The following PLEKHH2 variants were observed in gnomAD, a reference collection of about 807,000 sequenced individuals.
PLEKHH2 encodes the protein pleckstrin homology, MyTH4 and FERM domain containing H2.
PLEKHH2 carries 129 observed loss-of-function variants against 187.9 expected under a neutral mutation model. The observed-to-expected ratio is 0.69, with a 90% CI of 0.59 to 0.79. The LOEUF is 0.79. Ranked by LOEUF, PLEKHH2 falls within the 30% of genes least tolerant of loss-of-function variation. PLEKHH2 has a pLI of 0.00. For synonymous variants in PLEKHH2, 686 were observed against 605.6 expected, an observed-to-expected ratio of 1.13 and a Z score of -1.95; for missense variants, 2,076 against 1,751.2, an observed-to-expected ratio of 1.19 and a Z score of -3.31.
At chr2:43,646,044 C>G (rs985065522) in intron 2 of PLEKHH2, among the ~76,000 whole-genome samples, 1 of 152,080 alleles carries the variant, frequency 6.6e-6, no homozygotes, top group Non-Finnish European at 1.5e-5. Flanking sequence ...AACTTTTGGG[C>G]TTTAACATCT....
intron 24 of PLEKHH2, among the ~76,000 whole-genome samples, chr2:43,747,990 C>T (rs1040858527): frequency 3.9e-5 from 6 of 152,182 alleles, no homozygotes; most frequent in Non-Finnish European, 8.8e-5. Context: ...TTGTCATATT[C>T]TTTGTCAATG....
chr2:43,692,753 A>G (rs544095646), intron 4 of PLEKHH2, 90 bp downstream of exon 4: 1 of 1,376,112 alleles, frequency 7.3e-7, no homozygotes, highest in East Asian at 2.3e-5. Flanking sequence ...AAATTTCTAT[A>G]TTTGGGGAGA....
At chr2:43,755,465 C>G (rs1020005334) in intron 25 of PLEKHH2, among the ~76,000 whole-genome samples, 1 of 152,172 alleles carries the variant, frequency 6.6e-6, no homozygotes, top group Non-Finnish European at 1.5e-5. Context: ...AAGTAGTGTG[C>G]CTTTCTCTGG....
intron 3 of PLEKHH2, among the ~76,000 whole-genome samples, chr2:43,685,010 G>A (rs552511729): frequency 6.6e-6 from 1 of 152,294 alleles, no homozygotes; most frequent in East Asian, 1.9e-4. Flanking sequence ...ACAGACAGCA[G>A]ATGAATTCTC....
intron 2 of PLEKHH2, among the ~76,000 whole-genome samples, chr2:43,657,986 G>C (rs2374570): frequency 0.39 from 59,070 of 152,038 alleles, 11,908 homozygotes; most frequent in African/African-American, 0.45. Flanking sequence ...CCTTGCAGAA[G>C]GTAAAGTTAA....
At chr2:43,657,077 CA>C (rs1666812153) in intron 2 of PLEKHH2, among the ~76,000 whole-genome samples, 4 of 152,274 alleles carry the variant, frequency 2.6e-5, no homozygotes, top group East Asian at 1.9e-4. Flanking sequence ...CTTCAATTAA[CA>C]ATCATTTTAT....
At chr2:43,643,506 G>A (rs773862482) in intron 1 of PLEKHH2, among the ~76,000 whole-genome samples, 43 of 152,136 alleles carry the variant, frequency 2.8e-4, no homozygotes, top group African/African-American at 7.7e-4. Context: ...TGGGTTTTTA[G>A]CAGCATAAAG....
intron 3 of PLEKHH2, among the ~76,000 whole-genome samples, chr2:43,690,970 G>C (rs917040670): frequency 2.0e-5 from 3 of 152,172 alleles, no homozygotes; most frequent in Non-Finnish European, 4.4e-5. Flanking sequence ...TATCCATGTA[G>C]GTTGGCAAAC....
intron 2 of PLEKHH2, among the ~76,000 whole-genome samples, chr2:43,656,755 C>T (rs942081732): frequency 1.1e-4 from 17 of 152,348 alleles, no homozygotes; most frequent in African/African-American, 9.6e-5. Flanking sequence ...CAGTGGCTCA[C>T]GCCCATAATC....
intron 7 of PLEKHH2, among the ~76,000 whole-genome samples, chr2:43,697,951 G>T (rs1390228903): frequency 6.6e-6 from 1 of 151,788 alleles, no homozygotes; most frequent in African/African-American, 2.4e-5. Context: ...GTCTTGAAGT[G>T]CTTCTATCAA....
At chr2:43,743,000 C>A in intron 22 of PLEKHH2, 82 bp downstream of exon 22, 1 of 1,125,630 alleles carries the variant, frequency 8.9e-7, no homozygotes, top group Non-Finnish European at 1.2e-6. Flanking sequence ...TCTCTGCTTA[C>A]TTTTGTCAGC....
At chr2:43,650,153 T>TC in intron 2 of PLEKHH2, among the ~76,000 whole-genome samples, 1 of 145,770 alleles carries the variant, frequency 6.9e-6, no homozygotes, top group Non-Finnish European at 1.5e-5. Flanking sequence ...CCTTTTTTTT[T>TC]TTTTTTTTTT....
At chr2:43,727,407 T>G (rs1416898631) in intron 17 of PLEKHH2, among the ~76,000 whole-genome samples, 1 of 27,526 alleles carries the variant, frequency 3.6e-5, no homozygotes, top group Non-Finnish European at 7.0e-5. Context: ...CGAGACTCCG[T>G]CTCAAAAAAA....
chr2:43,724,266 C>T (rs894889215), intron 16 of PLEKHH2, among the ~76,000 whole-genome samples: 5 of 152,136 alleles, frequency 3.3e-5, no homozygotes, highest in Admixed American at 2.0e-4. Flanking sequence ...TAGATGAGGT[C>T]ACCCAGAGAG....
At chr2:43,710,719 T>C (rs1335195200) in intron 14 of PLEKHH2, 144 bp downstream of exon 14, 34 of 1,431,772 alleles carry the variant, frequency 2.4e-5, no homozygotes, top group South Asian at 7.7e-5. Flanking sequence ...TGGAAGTATG[T>C]GAAACTCCAC....
intron 24 of PLEKHH2, among the ~76,000 whole-genome samples, chr2:43,750,212 C>T (rs1460362743): frequency 6.6e-6 from 1 of 152,238 alleles, no homozygotes; most frequent in African/African-American, 2.4e-5. Flanking sequence ...GTGGCTCACG[C>T]CTGTAATCCC....
chr2:43,675,540 C>T, intron 2 of PLEKHH2: 1 of 1,613,946 alleles, frequency 6.2e-7, no homozygotes, highest in Non-Finnish European at 8.5e-7. Flanking sequence ...CTACTACTTG[C>T]TGAGGGTTAT....
intron 15 of PLEKHH2, 55 bp from the exon 16 acceptor site, chr2:43,720,614 T>C: frequency 6.3e-7 from 1 of 1,594,146 alleles, no homozygotes; most frequent in Non-Finnish European, 8.5e-7. Flanking sequence ...TAAGCTATAA[T>C]TTAAGGTGTC....
intron 28 of PLEKHH2, among the ~76,000 whole-genome samples, chr2:43,763,731 A>G (rs1335629297): frequency 6.6e-6 from 1 of 152,052 alleles, no homozygotes; most frequent in African/African-American, 2.4e-5. Context: ...AACACATTAG[A>G]AAAAAATATT....
Sources: allele counts gnomAD v4.1 joint callset (sites outside exome capture counted in the v4.1 genomes callset), GRCh38; gene constraint gnomAD v4.1.1; transcripts MANE v1.5; gene names NCBI Gene and HGNC (gene_info 2026-07-23, HGNC 2026-07-21).